The following PTPRS variants were observed in gnomAD, a reference collection of about 807,000 sequenced individuals.
PTPRS encodes receptor-type tyrosine-protein phosphatase S.
In PTPRS, 63 loss-of-function variants were observed where a neutral mutation model predicts 215.3. The ratio of observed to expected loss-of-function variants is 0.29; its 90% confidence interval spans 0.24 to 0.36. The LOEUF is 0.36. Among genes scored for constraint, PTPRS ranks in the 10% least tolerant of loss-of-function variants. The pLI, the probability that PTPRS is intolerant of heterozygous loss-of-function variation, is 1.00. For synonymous variants in PTPRS, 1,404 were observed against 1,191.4 expected (o/e 1.18, Z -3.68); for missense variants, 2,258 against 2,825.8 (o/e 0.80, Z 4.56).
chr19:5,226,204 C>T (rs1344014316), intron 16 of PTPRS, among the ~76,000 whole-genome samples: 1 of 152,174 alleles, frequency 6.6e-6, no homozygotes, highest in Non-Finnish European at 1.5e-5. Context: ...CTCCATGGCT[C>T]CCACCTCTCT....
intron 25 of PTPRS, among the ~76,000 whole-genome samples, chr19:5,217,745 G>GT (rs780602656): frequency 3.7e-4 from 56 of 152,384 alleles, no homozygotes; most frequent in Admixed American, 2.5e-3. Flanking sequence ...CCCATAAGGA[G>GT]AATAGCAGCC....
chr19:5,243,516 C>A (rs553983890), intron 11 of PTPRS, among the ~76,000 whole-genome samples: 1 of 151,104 alleles, frequency 6.6e-6, no homozygotes, highest in Non-Finnish European at 1.5e-5. Flanking sequence ...GTCTCACTCT[C>A]TCGCCCAGGC....
At chr19:5,315,912 T>C (rs769555921) in intron 1 of PTPRS, among the ~76,000 whole-genome samples, 1 of 146,814 alleles carries the variant, frequency 6.8e-6, no homozygotes, top group Non-Finnish European at 1.5e-5. Flanking sequence ...ACCACAGCTG[T>C]ACGCCATTAC....
chr19:5,226,092 C>T (rs1240147291), intron 16 of PTPRS, among the ~76,000 whole-genome samples: 3 of 152,208 alleles, frequency 2.0e-5, no homozygotes, highest in Non-Finnish European at 2.9e-5. Context: ...CTCCGCTCCC[C>T]TCACTCCTTG....
In PTPRS at chr19:5,222,701, G is replaced by A. The variant is rs1252019297; in HGVS notation, c.3091C>T (p.Leu1031=). ...FSPPVRYRTF[L]RDQVSPKNFK... is the part of the protein sequence containing the mutation. ...GCCGCGCGCCTACCTTGGTCCCGCA[G>A]GAACGTCCGGTAGCGGACGGGGGGG... Residue 1031 remains leucine (L), a synonymous_variant, in exon 18 of 38, where the codon CTG becomes TTG. Coordinates refer to ENST00000262963, the MANE Select transcript of PTPRS (RefSeq NM_002850.4). 2.5e-6 allele frequency: 4 copies of A among 1,588,124 alleles called. No homozygotes were observed. Among genetic ancestry groups the A allele is most frequent in the African/African-American group, 2.7e-5 (2 of 74,442 alleles).
rs2050608482 is a variant in PTPRS, at chr19:5,339,294, G to A, written c.-95+1370C>T. ...TTAATTTGGGGGAATGAGGTCCCAG[G>A]AGGTGGCTGGATTTGAGGAAGGGTT... On this transcript the variant is annotated intron_variant, in intron 1 of 37. Coordinates refer to ENST00000262963, the MANE Select transcript of PTPRS (RefSeq NM_002850.4). This position sits in a 1 kb window ranked among gnomAD's most constrained non-coding sequence, Gnocchi z 4.2. Among the ~76,000 whole-genome samples, 1 of 152,142 alleles carries A rather than the reference G, an allele frequency of 6.6e-6. No homozygotes were observed. Among genetic ancestry groups the A allele is most frequent in the East Asian group, 1.9e-4 (1 of 5,172 alleles).
intron 1 of PTPRS, among the ~76,000 whole-genome samples, chr19:5,289,568 C>T (rs2048641006): frequency 3.3e-5 from 5 of 152,192 alleles, no homozygotes; most frequent in Non-Finnish European, 2.9e-5. Context: ...CTGTCCCCTC[C>T]GTGCCCTCCC....
chr19:5,275,292 G>A (rs536760733), intron 2 of PTPRS, among the ~76,000 whole-genome samples: 2 of 151,888 alleles, frequency 1.3e-5, no homozygotes, highest in South Asian at 2.1e-4. Flanking sequence ...GGATGGTCTC[G>A]GTCTCCTGAC....
intron 18 of PTPRS, among the ~76,000 whole-genome samples, chr19:5,222,478 A>C (rs998342121): frequency 2.5e-4 from 2 of 7,900 alleles, no homozygotes; most frequent in Non-Finnish European, 2.6e-4. Flanking sequence ...GAGGGGAGCA[A>C]GGGGAGGGGG....
chr19:5,254,631 G>A (rs1233955439), intron 9 of PTPRS, among the ~76,000 whole-genome samples: 1 of 152,108 alleles, frequency 6.6e-6, no homozygotes, highest in Non-Finnish European at 1.5e-5. Context: ...GGTTCCCCTG[G>A]GCTTTTTCCA....
rs1238817348 is a variant in PTPRS at position 5,214,691 on chromosome 19, T to C, written c.4364A>G (p.Tyr1455Cys). 6.2e-7 allele frequency: 1 copy of C among 1,612,440 alleles called. No homozygotes were observed. Among genetic ancestry groups the C allele is most frequent in the Non-Finnish European group, 8.5e-7 (1 of 1,179,458 alleles). Reference sequence around the variant, plus strand: ...GGCAATGTACGCGTTCTGACACCGGTAGCCGTCCACGTAGTTGGCATTGAT... The same window carrying C: ...GGCAATGTACGCGTTCTGACACCGGCAGCCGTCCACGTAGTTGGCATTGAT... ...DYINANYVDG[Y>C]RCQNAYIATQ... Residue 1455 changes from tyrosine to cysteine, a missense_variant, in exon 29 of 38, where the codon TAC becomes TGC. Physicochemically the swap from Tyr to Cys is radical, Grantham distance 194. This residue lies in a region of PTPRS where 927 missense variants were observed against 1,125.9 expected (regional missense o/e 0.82). Transcript: ENST00000262963.
Position 5,206,659 on chromosome 19 carries a change from GCTGCCGCTGCCACCTC to G in PTPRS, c.*99_*114del. Reference sequence around the variant, plus strand: ...TCGGAAATGGTGCAGAAACACAGCTGCTGCCGCTGCCACCTCCTGCCCTGCCCACTGGGGGTCCAGG... The same window carrying G: ...TCGGAAATGGTGCAGAAACACAGCTGCTGCCCTGCCCACTGGGGGTCCAGG... On this transcript the variant is annotated 3_prime_UTR_variant, in exon 38 of 38. Coordinates refer to ENST00000262963, the MANE Select transcript of PTPRS (RefSeq NM_002850.4). The G allele has an allele frequency of 1.2e-6, 1 of 860,626 alleles. No homozygotes were observed. The highest frequency in any genetic ancestry group is 1.5e-5 in the South Asian group (1 of 65,644). The allele number at this position is 860,626 out of a possible 1,614,324, so 53.3% of individuals were successfully genotyped here. A position where few individuals can be genotyped will look rare whatever the true frequency, so the allele number is the denominator to read the frequency against.
At position 5,222,049 on chromosome 19, in the gene PTPRS, C is replaced by A. The variant is rs1003931497; in HGVS notation, c.3201+74G>T. The A allele has an allele frequency of 3.9e-6, 5 of 1,269,766 alleles. No homozygotes were observed. In the African/African-American group the frequency reaches 5.9e-5, roughly 15 times the overall value. The allele number at this position is 1,269,766 out of a possible 1,614,324, so 78.7% of individuals were successfully genotyped here. The stretch of plus-strand genomic sequence containing the variant: ...TCCCTCACTTCACACCAACTCCAAA[C>A]TGAGCCTTAAGCCCTGCTGAACTAC... On this transcript the variant is annotated intron_variant, in intron 19 of 37. Transcript: ENST00000262963.
chr19:5,271,534 G>A (rs567275264), intron 4 of PTPRS, among the ~76,000 whole-genome samples: 280 of 151,638 alleles, frequency 1.8e-3, no homozygotes, highest in Non-Finnish European at 3.1e-3. Flanking sequence ...CGAATAGCTG[G>A]GATTACAGGT....
intron 1 of PTPRS, among the ~76,000 whole-genome samples, chr19:5,315,093 G>T (rs975793077): frequency 1.3e-5 from 2 of 152,040 alleles, no homozygotes; most frequent in Admixed American, 1.3e-4. Flanking sequence ...CATCTGCCTA[G>T]AACACACTTC....
At chr19:5,230,713 G>C (rs1005861355) in intron 14 of PTPRS, among the ~76,000 whole-genome samples, 1 of 152,112 alleles carries the variant, frequency 6.6e-6, no homozygotes, top group African/African-American at 2.4e-5. Context: ...CTCCTGCCTT[G>C]GCCTCTCAGA....
chr19:5,330,612 C>G (rs1382449746), intron 1 of PTPRS, among the ~76,000 whole-genome samples: 1 of 152,236 alleles, frequency 6.6e-6, no homozygotes, highest in Non-Finnish European at 1.5e-5. Flanking sequence ...TGTGACACCA[C>G]TGAATTCCCA....
rs774673574 is a variant in PTPRS, at chr19:5,237,151, G to A, written c.1849+1768C>T. On this transcript the variant is annotated intron_variant, in intron 13 of 37. Transcript: ENST00000262963. The surrounding 1 kb of genome is among the most constrained non-coding windows in gnomAD (Gnocchi z 4.2). ...TGGGTCTCAGGATGCCAGTGGCCCC[G>A]CAGCCCTGCTCCAGCCCCCAGCGTG... 2.0e-5 allele frequency among the ~76,000 whole-genome samples: 3 copies of A among 152,154 alleles called. No homozygotes were observed. Among genetic ancestry groups the A allele is most frequent in the East Asian group, 1.9e-4 (1 of 5,168 alleles).
chr19:5,329,869 G>A (rs1021928959), intron 1 of PTPRS, among the ~76,000 whole-genome samples: 1 of 152,016 alleles, frequency 6.6e-6, no homozygotes, highest in Non-Finnish European at 1.5e-5. Flanking sequence ...CTGATCTCAG[G>A]AGTTCAACAC....
Sources: allele counts gnomAD v4.1 joint callset (sites outside exome capture counted in the v4.1 genomes callset), GRCh38; gene constraint gnomAD v4.1.1; regional missense constraint gnomAD v4.1.1; non-coding constraint Gnocchi (gnomAD v3.1); transcripts MANE v1.5; gene names NCBI Gene and HGNC (gene_info 2026-07-23, HGNC 2026-07-21).